The following UGT1A8 variants were observed in gnomAD, a reference collection of about 807,000 sequenced individuals.
UGT1A8 encodes the protein UDP glucuronosyltransferase family 1 member A8, also known as UDP-glucuronosyltransferase 1A8.
A neutral mutation model predicts 45.3 loss-of-function variants in UGT1A8; 39 were observed. That is an observed-to-expected ratio of 0.86 (90% CI 0.67 to 1.12). UGT1A8 has a LOEUF of 1.12. Among genes scored for constraint, UGT1A8 ranks in the 50% most tolerant of loss-of-function variants. The pLI is 0.00. For synonymous variants in UGT1A8, 275 were observed against 249.2 expected (o/e 1.10, Z -0.97); for missense variants, 719 against 664.9 (o/e 1.08, Z -0.90).
At chr2:233,618,606 G>A in intron 1 of UGT1A8, 44 bp downstream of exon 1, 1 of 1,536,920 alleles carries the variant, frequency 6.5e-7, no homozygotes, top group South Asian at 1.3e-5. Flanking sequence ...ATCTGGCTTT[G>A]GAAATTAAAA....
At chr2:233,743,090 T>C in intron 1 of UGT1A8, 1 of 347,048 alleles carries the variant, frequency 2.9e-6, no homozygotes, top group South Asian at 2.3e-5. Context: ...TGTTTATAAA[T>C]TCTTGGGTAC....
chr2:233,750,190 A>G (rs1694385448), intron 1 of UGT1A8, among the ~76,000 whole-genome samples: 1 of 151,894 alleles, frequency 6.6e-6, no homozygotes, highest in African/African-American at 2.4e-5. Context: ...TGTTGTGGAC[A>G]ATGAAGTCCA....
intron 1 of UGT1A8, among the ~76,000 whole-genome samples, chr2:233,757,055 C>T (rs1475700124): frequency 1.3e-5 from 2 of 151,398 alleles, no homozygotes; most frequent in African/African-American, 2.4e-5. Flanking sequence ...GTTTGGGGAA[C>T]AGCAAGGGAT....
intron 1 of UGT1A8, chr2:233,747,082 G>A (rs1458761598): frequency 2.6e-6 from 3 of 1,146,350 alleles, no homozygotes; most frequent in Non-Finnish European, 3.6e-6. Flanking sequence ...TTAACTAGGA[G>A]GAGAGCACTC....
chr2:233,681,955 G>C, intron 1 of UGT1A8: 3 of 1,613,914 alleles, frequency 1.9e-6, no homozygotes, highest in Non-Finnish European at 2.5e-6. Context: ...GTGCAGGGTG[G>C]ACTGGCCTCC....
chr2:233,620,164 C>T (rs2072975932), intron 1 of UGT1A8, among the ~76,000 whole-genome samples: 1 of 152,214 alleles, frequency 6.6e-6, no homozygotes, highest in Non-Finnish European at 1.5e-5. Context: ...TCAGCCATCT[C>T]ACAGGAAAGT....
At chr2:233,694,301 T>C (rs1426989615) in intron 1 of UGT1A8, among the ~76,000 whole-genome samples, 1 of 151,106 alleles carries the variant, frequency 6.6e-6, no homozygotes, top group East Asian at 1.9e-4. Context: ...AGGCCTGTTT[T>C]TTGTTTTTTT....
chr2:233,760,489 A>G (rs756552149), intron 1 of UGT1A8: 1 of 1,614,150 alleles, frequency 6.2e-7, no homozygotes, highest in Non-Finnish European at 8.5e-7. Context: ...CTCGTTGTAC[A>G]TCAGAGACGG....
At chr2:233,654,734 T>G (rs1300461063) in intron 1 of UGT1A8, among the ~76,000 whole-genome samples, 3 of 152,192 alleles carry the variant, frequency 2.0e-5, no homozygotes. Context: ...CACAACGAGC[T>G]GCAAACCACA....
rs540404664 is a variant in UGT1A8 at position 233,696,296 on chromosome 2, G to A, written c.856-70738G>A. ...AAAGAAAACGTAGGACTGTAATATC[G>A]TGAAATATATATTTGGTCTTCATCC... On this transcript the variant is annotated intron_variant, in intron 1 of 4. Coordinates refer to ENST00000373450, the MANE Select transcript of UGT1A8 (RefSeq NM_019076.5). Among the ~76,000 whole-genome samples, 28 of 152,242 alleles carry A rather than the reference G, an allele frequency of 1.8e-4. No individual in the cohort carries two copies. The East Asian group carries it at 4.8e-3, about 26-fold the overall frequency.
rs753813548 is a variant in UGT1A8 at position 233,693,325 on chromosome 2, T to C, written c.856-73709T>C. ...TTGCTGAGCGATCATTCCTAACTGC[T>C]CCTCAGACAGAGTACAGGAATAACA... On this transcript the variant is annotated intron_variant, in intron 1 of 4. Coordinates refer to ENST00000373450, the MANE Select transcript of UGT1A8 (RefSeq NM_019076.5). The C allele has an allele frequency of 6.8e-6, 11 of 1,614,210 alleles. No individual in the cohort carries two copies. In the East Asian group the frequency reaches 2.2e-4, roughly 33 times the overall value.
chr2:233,689,907 A>G, intron 1 of UGT1A8: 1 of 456,722 alleles, frequency 2.2e-6, no homozygotes, highest in South Asian at 1.5e-5. Flanking sequence ...AGGGCCAGGT[A>G]GGTGCCTGGA....
intron 1 of UGT1A8, chr2:233,648,741 G>T: frequency 1.8e-6 from 1 of 561,922 alleles, no homozygotes. Context: ...TGGAATTACA[G>T]GGGTGAGCCA....
intron 1 of UGT1A8, among the ~76,000 whole-genome samples, chr2:233,756,978 C>T (rs1696373948): frequency 1.3e-5 from 2 of 151,968 alleles, no homozygotes; most frequent in Admixed American, 1.3e-4. Context: ...ACGCAATGAA[C>T]AGTCATAGTA....
intron 1 of UGT1A8, among the ~76,000 whole-genome samples, chr2:233,741,290 C>T (rs1691616711): frequency 6.6e-6 from 1 of 151,724 alleles, no homozygotes. Context: ...ATTTATGTAC[C>T]CAATTGTGTA....
intron 1 of UGT1A8, chr2:233,682,417 T>G (rs1442367024): frequency 1.2e-6 from 2 of 1,613,910 alleles, no homozygotes; most frequent in African/African-American, 2.7e-5. Flanking sequence ...TTGCCAAATA[T>G]TTCTCCCTCC....
chr2:233,686,298 CAA>C (rs1042639536), intron 1 of UGT1A8, among the ~76,000 whole-genome samples: 4 of 151,070 alleles, frequency 2.6e-5, no homozygotes, highest in African/African-American at 7.3e-5. Flanking sequence ...ACAAGAAAAA[CAA>C]GAGATAAATC....
chr2:233,744,228 G>A (rs1189849107), intron 1 of UGT1A8, among the ~76,000 whole-genome samples: 1 of 151,768 alleles, frequency 6.6e-6, no homozygotes, highest in Non-Finnish European at 1.5e-5. Flanking sequence ...GAAAAGAGAG[G>A]GCCTTGACTT....
chr2:233,729,678 C>T (rs748966468), intron 1 of UGT1A8: 13 of 1,613,930 alleles, frequency 8.1e-6, no homozygotes, highest in Middle Eastern at 1.7e-4. Context: ...ACTTTAAGGG[C>T]ACACAGTGTC....
Sources: allele counts gnomAD v4.1 joint callset (sites outside exome capture counted in the v4.1 genomes callset), GRCh38; gene constraint gnomAD v4.1.1; transcripts MANE v1.5; gene names NCBI Gene and HGNC (gene_info 2026-07-23, HGNC 2026-07-21).